The following UNC79 variants were observed in gnomAD, a reference collection of about 807,000 sequenced individuals.
The protein encoded by UNC79 is unc-79 subunit of NALCN channel complex.
Under a neutral mutation model 283.1 loss-of-function variants are expected in UNC79, and 37 were observed. The observed-to-expected ratio is 0.13, with a 90% CI of 0.10 to 0.17. The LOEUF (loss-of-function observed/expected upper bound fraction) is 0.17. UNC79 is among the 10% of genes least tolerant of loss of function. UNC79 has a pLI of 1.00. For missense variants in UNC79, 2,272 were observed against 3,211.1 expected, an observed-to-expected ratio of 0.71 and a Z score of 7.07; for synonymous variants, 1,107 against 1,200.2, an observed-to-expected ratio of 0.92 and a Z score of 1.61.
intron 23 of UNC79, among the ~76,000 whole-genome samples, chr14:93,596,780 G>A (rs2065116021): frequency 6.6e-6 from 1 of 152,204 alleles, no homozygotes; most frequent in East Asian, 1.9e-4. Context: ...CTTTAAGTGT[G>A]GATGGAATTG....
chr14:93,491,260 A>G (rs1357492263), intron 5 of UNC79, among the ~76,000 whole-genome samples: 1 of 152,100 alleles, frequency 6.6e-6, no homozygotes, highest in Admixed American at 6.5e-5. Context: ...AGTCTGTAGC[A>G]TTCTTTAAGT....
chr14:93,593,409 T>C (rs140562907), intron 22 of UNC79, among the ~76,000 whole-genome samples: 81 of 152,330 alleles, frequency 5.3e-4, no homozygotes, highest in Admixed American at 1.6e-3. Context: ...ACTGAAGCCA[T>C]TTATTTATAT....
chr14:93,610,035 A>G (rs2066183035), intron 26 of UNC79, among the ~76,000 whole-genome samples: 1 of 152,234 alleles, frequency 6.6e-6, no homozygotes, highest in African/African-American at 2.4e-5. Flanking sequence ...GATCAGTGAG[A>G]TGGGCATGTA....
intron 1 of UNC79, among the ~76,000 whole-genome samples, chr14:93,338,795 G>C (rs149409087): frequency 0.013 from 2,038 of 152,306 alleles, 43 homozygotes; most frequent in African/African-American, 0.046. Flanking sequence ...TGTAGTCCTA[G>C]CTATTCAGGT....
At chr14:93,687,657 CA>C (rs1349559826) in intron 43 of UNC79, among the ~76,000 whole-genome samples, 1 of 152,162 alleles carries the variant, frequency 6.6e-6, no homozygotes, top group African/African-American at 2.4e-5. Flanking sequence ...AAAGTAGAAT[CA>C]AAATGTAAAC....
At chr14:93,511,906 A>G (rs117884652) in intron 7 of UNC79, among the ~76,000 whole-genome samples, 2,138 of 152,028 alleles carry the variant, frequency 0.014, 22 homozygotes, top group Middle Eastern at 0.041. Flanking sequence ...TCTTTTTCCT[A>G]GCTTCTTGGG....
At chr14:93,623,907 A>G (rs920636691) in intron 30 of UNC79, among the ~76,000 whole-genome samples, 1 of 152,212 alleles carries the variant, frequency 6.6e-6, no homozygotes, top group East Asian at 1.9e-4. Context: ...ATAAAATAAA[A>G]TAAAAAAGTT....
chr14:93,499,423 A>G (rs1019993515), intron 7 of UNC79, among the ~76,000 whole-genome samples: 22 of 152,350 alleles, frequency 1.4e-4, no homozygotes, highest in African/African-American at 5.0e-4. Flanking sequence ...TATTTATTTG[A>G]TAAATATTTG....
chr14:93,621,148 G>T lies in UNC79; in HGVS notation c.4388-473G>T. 1 of 380,682 alleles carries T rather than the reference G, an allele frequency of 2.6e-6. No homozygotes were observed. The highest frequency in any genetic ancestry group is 5.1e-6 in the Non-Finnish European group (1 of 194,314). 23.6% of individuals were successfully genotyped at this position (380,682 alleles called of 1,614,324 possible). ...TGTTACTACACATTTTAATACCGTT[G>T]ATTTATATATATGTATGCACAAACA... On this transcript the variant is annotated intron_variant, in intron 29 of 48. Transcript: ENST00000555664. The surrounding 1 kb of genome is among the most constrained non-coding windows in gnomAD (Gnocchi z 4.8).
intron 1 of UNC79, among the ~76,000 whole-genome samples, chr14:93,333,834 C>G (rs1204605429): frequency 2.6e-5 from 4 of 152,138 alleles, no homozygotes; most frequent in African/African-American, 4.8e-5. Flanking sequence ...TTGTGGTAGT[C>G]AGGATAGGTG....
At chr14:93,702,418 C>T (rs563325703) in intron 47 of UNC79, among the ~76,000 whole-genome samples, 6 of 152,266 alleles carry the variant, frequency 3.9e-5, no homozygotes, top group African/African-American at 7.2e-5. Context: ...AGAAACACTA[C>T]GTTTAGGAAT....
chr14:93,601,101 C>G (rs2065467213), intron 25 of UNC79, among the ~76,000 whole-genome samples: 3 of 152,170 alleles, frequency 2.0e-5, no homozygotes, highest in African/African-American at 7.2e-5. Context: ...CTCACTCTTG[C>G]ATACTTTCTA....
exon 30 of UNC79, chr14:93,622,180 G>C (rs1380191827): frequency 6.2e-7 from 1 of 1,614,186 alleles, no homozygotes; most frequent in South Asian, 1.1e-5. Context: ...ACGAAGAAGA[G>C]GAGACGATGA....
chr14:93,535,694 C>T (rs1456046836), intron 11 of UNC79, among the ~76,000 whole-genome samples: 1 of 152,176 alleles, frequency 6.6e-6, no homozygotes, highest in Admixed American at 6.5e-5. Flanking sequence ...TGACTCAAGA[C>T]TGAAACATGG....
intron 47 of UNC79, among the ~76,000 whole-genome samples, chr14:93,701,756 T>G (rs2075547306): frequency 1.3e-5 from 2 of 152,222 alleles, no homozygotes; most frequent in African/African-American, 4.8e-5. Context: ...TGGATACATT[T>G]AGTCACGTGA....
At chr14:93,537,864 G>C in intron 11 of UNC79, 125 bp from the exon 12 acceptor site, 1 of 882,912 alleles carries the variant, frequency 1.1e-6, no homozygotes, top group East Asian at 2.7e-5. Flanking sequence ...CCTGCGCTTT[G>C]GAAACTAGTG....
chr14:93,655,340 T>G, exon 38 of UNC79: 2 of 1,614,158 alleles, frequency 1.2e-6, no homozygotes, highest in Non-Finnish European at 1.7e-6. Flanking sequence ...CCTAGTAGCC[T>G]CTGGACCACA....
At chr14:93,542,766 G>A (rs2061432835) in intron 14 of UNC79, 70 bp downstream of exon 14, 5 of 1,497,674 alleles carry the variant, frequency 3.3e-6, no homozygotes, top group African/African-American at 1.4e-5. Flanking sequence ...CCTTAGCCAT[G>A]TGGGTATTAT....
intron 42 of UNC79, 79 bp from the exon 46 acceptor site, chr14:93,686,493 A>C: frequency 2.7e-6 from 4 of 1,476,876 alleles, no homozygotes; most frequent in African/African-American, 1.4e-5. Flanking sequence ...CTTAGTAAAC[A>C]ACGTGAAACC....
Sources: allele counts gnomAD v4.1 joint callset (sites outside exome capture counted in the v4.1 genomes callset), GRCh38; gene constraint gnomAD v4.1.1; non-coding constraint Gnocchi (gnomAD v3.1); transcripts MANE v1.5; gene names NCBI Gene and HGNC (gene_info 2026-07-23, HGNC 2026-07-21).